Variants in DNM3 observed in about 807,000 individuals in gnomAD.
DNM3 encodes the protein dynamin 3.
In DNM3, 47 loss-of-function variants were observed where a neutral mutation model predicts 101.6. That is an observed-to-expected ratio of 0.46 (90% CI 0.37 to 0.59). The LOEUF (loss-of-function observed/expected upper bound fraction) is 0.59, where lower values mean the gene tolerates loss of function less well. DNM3 is among the 20% of genes least tolerant of loss of function. The pLI is 0.00. For missense variants in DNM3, 849 were observed against 1,085.7 expected, an observed-to-expected ratio of 0.78 and a Z score of 3.06; for synonymous variants, 385 against 387.9, an observed-to-expected ratio of 0.99 and a Z score of 0.09.
intron 1 of DNM3, among the ~76,000 whole-genome samples, chr1:171,888,161 A>C (rs1163471457): frequency 6.6e-6 from 1 of 151,996 alleles, no homozygotes; most frequent in Non-Finnish European, 1.5e-5. Flanking sequence ...AAGTAACAGA[A>C]ATTTTTCTTT....
intron 3 of DNM3, 30 bp downstream of exon 3, chr1:171,987,835 T>A (rs2045369110): frequency 6.6e-7 from 1 of 1,520,214 alleles, no homozygotes; most frequent in South Asian, 1.3e-5. Context: ...TCCAAATTCT[T>A]CTCCTCAAAC....
chr1:172,157,862 C>A (rs1171093019), intron 14 of DNM3, among the ~76,000 whole-genome samples: 3 of 151,890 alleles, frequency 2.0e-5, no homozygotes, highest in Non-Finnish European at 4.4e-5. Context: ...TGGAAACAAT[C>A]CCTCACAGAC....
intron 2 of DNM3, among the ~76,000 whole-genome samples, chr1:171,962,141 C>T (rs369449012): frequency 1.1e-4 from 16 of 152,112 alleles, no homozygotes; most frequent in African/African-American, 3.6e-4. Flanking sequence ...ATTAGTTAAC[C>T]CATGAATCCA....
intron 14 of DNM3, among the ~76,000 whole-genome samples, chr1:172,223,393 TA>T (rs986389608): frequency 1.3e-5 from 2 of 151,778 alleles, no homozygotes; most frequent in East Asian, 1.9e-4. Flanking sequence ...CATTCTGTCA[TA>T]AAAAAAATCC....
At chr1:171,936,211 C>T (rs868281074) in intron 2 of DNM3, among the ~76,000 whole-genome samples, 5 of 151,692 alleles carry the variant, frequency 3.3e-5, no homozygotes, top group East Asian at 3.9e-4. Flanking sequence ...ACGAAACAGC[C>T]GGGCATAGTG....
chr1:172,142,488 A>G (rs2057637978), intron 14 of DNM3, among the ~76,000 whole-genome samples: 1 of 152,106 alleles, frequency 6.6e-6, no homozygotes, highest in South Asian at 2.1e-4. Context: ...CACATCAAGC[A>G]TGTGCAGGAA....
intron 13 of DNM3, among the ~76,000 whole-genome samples, chr1:172,101,450 C>T (rs1368558706): frequency 6.6e-6 from 1 of 152,090 alleles, no homozygotes; most frequent in African/African-American, 2.4e-5. Flanking sequence ...ATTAATTAAA[C>T]CTTACTGTAC....
Position 171,841,820 on chromosome 1 carries a change from A to C in DNM3, c.161+3A>C. On this transcript the variant is annotated splice_donor_region_variant and intron_variant, in intron 1 of 20. Coordinates refer to ENST00000627582, the MANE Select transcript of DNM3 (RefSeq NM_015569.5). ...GTGCTCGAGAACTTCGTGGGCAGGT[A>C]AGCGCGCAGGGCGCGGAGTAAGGAT... is the stretch of plus-strand genomic sequence containing the variant. The C allele has an allele frequency of 6.2e-7, 1 of 1,604,916 alleles. No individual in the cohort carries two copies. The highest frequency in any genetic ancestry group is 8.5e-7 in the Non-Finnish European group (1 of 1,177,556).
At chr1:172,083,913 G>A (rs1280863922) in intron 12 of DNM3, among the ~76,000 whole-genome samples, 2 of 152,056 alleles carry the variant, frequency 1.3e-5, no homozygotes, top group South Asian at 4.2e-4. Context: ...CAGGTGTCTG[G>A]TCCTATTTTT....
chr1:172,302,022 C>A (rs72721197), intron 15 of DNM3, among the ~76,000 whole-genome samples: 1 of 152,022 alleles, frequency 6.6e-6, no homozygotes, highest in African/African-American at 2.4e-5. Flanking sequence ...TATCTCACTG[C>A]GACCAGTTGG....
intron 14 of DNM3, among the ~76,000 whole-genome samples, chr1:172,204,870 T>C (rs2148499096): frequency 6.6e-6 from 1 of 152,238 alleles, no homozygotes; most frequent in East Asian, 1.9e-4. Flanking sequence ...GTCACTTCCC[T>C]GGGCAAAACA....
At chr1:172,075,076 T>G (rs113151580) in intron 11 of DNM3, among the ~76,000 whole-genome samples, 1 of 152,342 alleles carries the variant, frequency 6.6e-6, no homozygotes, top group Non-Finnish European at 1.5e-5. Context: ...CCAGTGATGA[T>G]GAGCTTTTTT....
At chr1:171,993,498 C>CTTTTTTTTTTTTTTTTT (rs145178902) in intron 4 of DNM3, among the ~76,000 whole-genome samples, 7 of 128,692 alleles carry the variant, frequency 5.4e-5, no homozygotes, top group South Asian at 2.4e-4. Flanking sequence ...TTTCAAGATT[C>CTTTTTTTTTTTTTTTTT]TTTTTTTTTT....
intron 4 of DNM3, among the ~76,000 whole-genome samples, chr1:172,004,493 T>C (rs79676056): frequency 0.068 from 10,365 of 151,980 alleles, 519 homozygotes; most frequent in African/African-American, 0.15. Context: ...AGGACTAACA[T>C]GATGATGCTA....
At chr1:171,930,539 C>T (rs1461765157) in intron 2 of DNM3, among the ~76,000 whole-genome samples, 2 of 152,104 alleles carry the variant, frequency 1.3e-5, no homozygotes, top group Admixed American at 1.3e-4. Flanking sequence ...GACTGAATGC[C>T]GTGGTGGAGT....
chr1:171,860,292 A>G (rs1165907854), intron 1 of DNM3, among the ~76,000 whole-genome samples: 1 of 152,164 alleles, frequency 6.6e-6, no homozygotes, highest in Non-Finnish European at 1.5e-5. Context: ...TACTTTTTCA[A>G]CTATAAATTT....
intron 1 of DNM3, among the ~76,000 whole-genome samples, chr1:171,845,874 C>T (rs1455335532): frequency 6.6e-6 from 1 of 152,116 alleles, no homozygotes; most frequent in Non-Finnish European, 1.5e-5. Flanking sequence ...TTTTTCAATG[C>T]TAATTATATA....
intron 5 of DNM3, 35 bp from the exon 6 acceptor site, chr1:172,033,070 T>C: frequency 6.3e-7 from 1 of 1,599,710 alleles, no homozygotes; most frequent in Admixed American, 1.7e-5. Context: ...CCACAAAAAG[T>C]GTCCCCAACT....
intron 6 of DNM3, among the ~76,000 whole-genome samples, chr1:172,035,180 A>G (rs1351359394): frequency 2.6e-5 from 4 of 152,160 alleles, no homozygotes; most frequent in African/African-American, 9.6e-5. Flanking sequence ...GTTACGTCTC[A>G]GGTTTCCAGA....
Sources: gnomAD v4.1 joint callset for allele counts (sites outside exome capture counted in the v4.1 genomes callset) on GRCh38, gnomAD v4.1.1 for gene constraint, MANE v1.5 for transcripts, NCBI Gene and HGNC (gene_info 2026-07-23, HGNC 2026-07-21) for gene names.